The following SDK1 variants were observed in gnomAD, a reference collection of about 807,000 sequenced individuals.
SDK1 encodes protein sidekick-1.
A neutral mutation model predicts 245.5 loss-of-function variants in SDK1; 157 were observed. The ratio of observed to expected loss-of-function variants is 0.64; its 90% CI spans 0.56 to 0.73. The LOEUF (loss-of-function observed/expected upper bound fraction) is 0.73. Among genes scored for constraint, SDK1 ranks in the 30% least tolerant of loss-of-function variants. The probability of loss-of-function intolerance (pLI) is 0.00; values close to 1 mark genes in which losing one functional copy is unlikely to be tolerated. For synonymous variants in SDK1, 1,647 were observed against 1,278.5 expected, an observed-to-expected ratio of 1.29 and a Z score of -6.15; for missense variants, 3,583 against 3,002.3, an observed-to-expected ratio of 1.19 and a Z score of -4.52.
chr7:3,359,606 G>A (rs1478891728), intron 1 of SDK1, among the ~76,000 whole-genome samples: 1 of 152,102 alleles, frequency 6.6e-6, no homozygotes, highest in African/African-American at 2.4e-5. Flanking sequence ...TAAAGTGTCT[G>A]TCCACACCAC....
At chr7:4,134,190 C>T (rs1206877980) in intron 28 of SDK1, among the ~76,000 whole-genome samples, 6 of 152,166 alleles carry the variant, frequency 3.9e-5, no homozygotes, top group Non-Finnish European at 7.3e-5. Flanking sequence ...GACCTATTTT[C>T]GCTTTGCCTC....
intron 4 of SDK1, among the ~76,000 whole-genome samples, chr7:3,793,732 A>G (rs1778882453): frequency 1.3e-5 from 2 of 152,058 alleles, no homozygotes; most frequent in Non-Finnish European, 2.9e-5. Context: ...CAGTGTCCAC[A>G]TTCACAGTAC....
At chr7:3,470,273 A>T (rs1562505629) in intron 1 of SDK1, among the ~76,000 whole-genome samples, 1 of 152,188 alleles carries the variant, frequency 6.6e-6, no homozygotes, top group African/African-American at 2.4e-5. Flanking sequence ...CTCTGGGTTC[A>T]TACTATTTAC....
chr7:3,798,377 C>A (rs1267680813), intron 4 of SDK1, among the ~76,000 whole-genome samples: 1 of 151,914 alleles, frequency 6.6e-6, no homozygotes, highest in African/African-American at 2.4e-5. Flanking sequence ...GCCACCACGC[C>A]CAGCTAATTT....
At chr7:3,575,037 C>A (rs952238902) in intron 1 of SDK1, among the ~76,000 whole-genome samples, 1 of 151,986 alleles carries the variant, frequency 6.6e-6, no homozygotes, top group Admixed American at 6.6e-5. Flanking sequence ...CCTGTGCAGC[C>A]TAAAGAATGC....
chr7:3,341,579 C>G (rs1457141383), intron 1 of SDK1, among the ~76,000 whole-genome samples: 1 of 152,150 alleles, frequency 6.6e-6, no homozygotes, highest in Non-Finnish European at 1.5e-5. Context: ...AGAAAAAAAA[C>G]TTCTTGAACT....
intron 1 of SDK1, among the ~76,000 whole-genome samples, chr7:3,616,290 C>G (rs1049825779): frequency 6.6e-6 from 1 of 152,180 alleles, no homozygotes. Context: ...TGTTAATACT[C>G]GGACACTTGA....
chr7:3,422,662 A>G (rs1452008026), intron 1 of SDK1, among the ~76,000 whole-genome samples: 1 of 152,144 alleles, frequency 6.6e-6, no homozygotes, highest in Non-Finnish European at 1.5e-5. Context: ...TTCTTTCTGT[A>G]GCTCTGAGTT....
intron 1 of SDK1, among the ~76,000 whole-genome samples, chr7:3,394,475 T>C (rs1781841766): frequency 6.6e-6 from 1 of 152,188 alleles, no homozygotes; most frequent in Admixed American, 6.5e-5. Flanking sequence ...CCTCCAGTTT[T>C]TTTTCAAAAT....
intron 1 of SDK1, among the ~76,000 whole-genome samples, chr7:3,368,375 C>T (rs1026072035): frequency 2.0e-5 from 3 of 152,130 alleles, no homozygotes; most frequent in African/African-American, 2.4e-5. Context: ...ATCTTTTGTC[C>T]ATCATACTTT....
At chr7:3,519,781 CTA>C (rs1246081296) in intron 1 of SDK1, among the ~76,000 whole-genome samples, 2 of 151,930 alleles carry the variant, frequency 1.3e-5, no homozygotes, top group Non-Finnish European at 2.9e-5. Context: ...TAATAGAATT[CTA>C]TGAGGAGATA....
intron 5 of SDK1, among the ~76,000 whole-genome samples, chr7:3,856,632 A>G (rs1402185387): frequency 6.6e-6 from 1 of 152,064 alleles, no homozygotes; most frequent in Non-Finnish European, 1.5e-5. Flanking sequence ...GTCTCCTAAA[A>G]GTACAAAAAT....
intron 14 of SDK1, among the ~76,000 whole-genome samples, chr7:4,004,962 A>G (rs948280436): frequency 6.6e-6 from 1 of 150,484 alleles, no homozygotes; most frequent in African/African-American, 2.5e-5. Flanking sequence ...GGCAGAGTCC[A>G]TGACAGTTGT....
Position 3,672,774 on chromosome 7 carries a change from T to C in SDK1, c.713+30669T>C, listed in dbSNP as rs1300047011. Among the ~76,000 whole-genome samples, 46 of 94,216 alleles carry C rather than the reference T, an allele frequency of 4.9e-4. 2 individuals are homozygous for C. The highest frequency in any genetic ancestry group is 1.6e-3 in the African/African-American group (42 of 25,504). 61.8% of individuals were successfully genotyped at this position (94,216 alleles called of 152,430 possible). A position where few individuals can be genotyped will look rare whatever the true frequency, so the allele number is the denominator to read the frequency against. On this transcript the variant is annotated intron_variant, in intron 4 of 44. Transcript: ENST00000404826. ...ATATATAATTTTATATATATATATA[T>C]ATATATATATATATATATATAAAAA...
intron 4 of SDK1, among the ~76,000 whole-genome samples, chr7:3,716,049 G>A (rs570260946): frequency 6.6e-6 from 1 of 150,692 alleles, no homozygotes; most frequent in South Asian, 2.1e-4. Flanking sequence ...GACAAAGATA[G>A]ATCGGTGAAT....
At chr7:3,392,961 A>ATTTTTTTTTTT (rs572782966) in intron 1 of SDK1, among the ~76,000 whole-genome samples, 11 of 87,126 alleles carry the variant, frequency 1.3e-4, no homozygotes, top group Admixed American at 2.8e-4. Flanking sequence ...CCTGTTTTAA[A>ATTTTTTTTTTT]TTTTTTTTTT....
At chr7:3,696,021 T>A in intron 4 of SDK1, among the ~76,000 whole-genome samples, 1 of 152,262 alleles carries the variant, frequency 6.6e-6, no homozygotes, top group South Asian at 2.1e-4. Flanking sequence ...GTTTCCTCCT[T>A]CGTTCCTCTC....
At chr7:4,221,993 A>T (rs965077823) in intron 40 of SDK1, among the ~76,000 whole-genome samples, 6 of 152,216 alleles carry the variant, frequency 3.9e-5, no homozygotes, top group Non-Finnish European at 7.3e-5. Flanking sequence ...CACCTAACAC[A>T]GAAAGCACGG....
At chr7:3,895,562 G>A (rs1781581815) in intron 5 of SDK1, among the ~76,000 whole-genome samples, 1 of 152,222 alleles carries the variant, frequency 6.6e-6, no homozygotes, top group African/African-American at 2.4e-5. Context: ...AAGCAGTGAT[G>A]AGGAAGACAA....
Sources: gnomAD v4.1 joint callset for allele counts (sites outside exome capture counted in the v4.1 genomes callset) on GRCh38, gnomAD v4.1.1 for gene constraint, MANE v1.5 for transcripts, NCBI Gene and HGNC (gene_info 2026-07-23, HGNC 2026-07-21) for gene names.